MRPL14: variants seen among roughly 807,000 people sequenced by gnomAD.
MRPL14 encodes large ribosomal subunit protein uL14m.
A neutral mutation model predicts 10.9 loss-of-function variants in MRPL14; 8 were observed. The observed-to-expected ratio is 0.74, with a 90% confidence interval of 0.43 to 1.33. MRPL14 has a LOEUF of 1.33. Ranked by LOEUF, MRPL14 falls within the 40% of genes most tolerant of loss-of-function variation. The pLI is 0.01. For missense variants in MRPL14, 179 were observed against 194.5 expected (o/e 0.92, Z 0.47); for synonymous variants, 82 against 74.1 (o/e 1.11, Z -0.54).
chr6:44,116,985 T>C (rs1385911627), intron 1 of MRPL14, among the ~76,000 whole-genome samples: 1 of 152,218 alleles, frequency 6.6e-6, no homozygotes, highest in Non-Finnish European at 1.5e-5. Flanking sequence ...GAGTCCTCCA[T>C]AGAGGAAAAA....
chr6:44,114,057 A>T lies in MRPL14; in HGVS notation c.224T>A (p.Leu75Gln), dbSNP rs1216990794. Residue 75 changes from leucine to glutamine, a missense_variant, in exon 3 of 3, where the codon CTG becomes CAG. By Grantham distance (113) the Leu-to-Gln change is moderately radical. Coordinates refer to ENST00000372014, the MANE Select transcript of MRPL14 (RefSeq NM_032111.4). ...CTTTTTCTTCTGTCCCTTGATGGCC[A>T]GTAGTATCTGGTCGCCCACCTTGCC... ...GVGKVGDQIL[L>Q]AIKGQKKKAL... 2 of 1,614,144 alleles carry T rather than the reference A, an allele frequency of 1.2e-6. No homozygotes were observed. Among genetic ancestry groups the T allele is most frequent in the South Asian group, 2.2e-5 (2 of 91,084 alleles).
intron 1 of MRPL14, among the ~76,000 whole-genome samples, chr6:44,125,467 G>T (rs1562102714): frequency 6.6e-6 from 1 of 151,990 alleles, no homozygotes; most frequent in Non-Finnish European, 1.5e-5. Context: ...ACCAGCCTGG[G>T]CAACATGGTG....
At chr6:44,119,569 C>CA (rs1776207205) in intron 1 of MRPL14, among the ~76,000 whole-genome samples, 1 of 152,072 alleles carries the variant, frequency 6.6e-6, no homozygotes, top group Non-Finnish European at 1.5e-5. Flanking sequence ...ACATTTTACT[C>CA]ACAGCCAATT....
Position 44,114,179 on chromosome 6 carries a change from C to A in MRPL14, c.102G>T (p.Lys34Asn). The change falls in exon 3 of 3, where the codon AAG (lysine) becomes AAT (asparagine). Residue 34 changes from lysine to asparagine, a missense_variant. Lys to Asn is a moderately conservative substitution (Grantham distance 94). Coordinates refer to ENST00000372014, the MANE Select transcript of MRPL14 (RefSeq NM_032111.4). Reference protein sequence around the residue: ...STTGSLSAIQKMTRVRVVDNS... With the variant: ...STTGSLSAIQNMTRVRVVDNS... The stretch of plus-strand genomic sequence containing the variant: ...TGTCCACCACTCGTACCCGCGTCAT[C>A]TTCTGAATCGCACTCAGACTCCCAG... 2 of 1,612,274 alleles carry A rather than the reference C, an allele frequency of 1.2e-6. No individual in the cohort carries two copies. Among genetic ancestry groups the A allele is most frequent in the Non-Finnish European group, 1.7e-6 (2 of 1,178,540 alleles).
At chr6:44,117,558 T>C (rs1246893902) in intron 1 of MRPL14, among the ~76,000 whole-genome samples, 1 of 152,190 alleles carries the variant, frequency 6.6e-6, no homozygotes, top group Non-Finnish European at 1.5e-5. Context: ...TACACACAGC[T>C]TTGCTATGCA....
chr6:44,120,725 T>G (rs903153020), intron 1 of MRPL14, among the ~76,000 whole-genome samples: 11 of 152,070 alleles, frequency 7.2e-5, no homozygotes, highest in African/African-American at 2.4e-4. Flanking sequence ...CTGATAACAG[T>G]AGGAGTGCAA....
chr6:44,113,736 C>T lies in MRPL14; in HGVS notation c.*107G>A. On this transcript the variant is annotated 3_prime_UTR_variant, in exon 3 of 3. Coordinates refer to ENST00000372014, the MANE Select transcript of MRPL14 (RefSeq NM_032111.4). The stretch of plus-strand genomic sequence containing the variant: ...TCTCTCACAGGATACTACACTGTTA[C>T]CCAGTGTGAAGGGAGCAGCCATGTG... 1.7e-6 allele frequency: 2 copies of T among 1,143,686 alleles called. No homozygotes were observed. The highest frequency in any genetic ancestry group is 2.5e-6 in the Non-Finnish European group (2 of 806,452). The allele number at this position is 1,143,686 out of a possible 1,614,324, so 70.8% of individuals were successfully genotyped here. A position where few individuals can be genotyped will look rare whatever the true frequency, so the allele number is the denominator to read the frequency against.
chr6:44,123,008 G>C (rs1190093736), intron 1 of MRPL14, among the ~76,000 whole-genome samples: 1 of 152,180 alleles, frequency 6.6e-6, no homozygotes, highest in Non-Finnish European at 1.5e-5. Flanking sequence ...AGTTTGGTGT[G>C]TGCGTGGTTT....
intron 1 of MRPL14, among the ~76,000 whole-genome samples, chr6:44,119,586 T>C (rs1776208749): frequency 6.6e-6 from 1 of 152,094 alleles, no homozygotes; most frequent in South Asian, 2.1e-4. Context: ...AATTCAGTGC[T>C]TGCTGAATCA....
chr6:44,126,447 G>A (rs1285633958), intron 1 of MRPL14, among the ~76,000 whole-genome samples: 1 of 152,208 alleles, frequency 6.6e-6, no homozygotes, highest in African/African-American at 2.4e-5. Context: ...CAGAGACGCT[G>A]ACCAACTACA....
intron 1 of MRPL14, among the ~76,000 whole-genome samples, chr6:44,119,634 C>A (rs1776212970): frequency 6.6e-6 from 1 of 152,172 alleles, no homozygotes; most frequent in African/African-American, 2.4e-5. Flanking sequence ...AAATTATTCA[C>A]TTTAAGTTTT....
intron 1 of MRPL14, among the ~76,000 whole-genome samples, chr6:44,126,444 G>A (rs1777056856): frequency 6.6e-6 from 1 of 152,142 alleles, no homozygotes; most frequent in Non-Finnish European, 1.5e-5. Flanking sequence ...CAGCAGAGAC[G>A]CTGACCAACT....
At chr6:44,114,343 C>A in intron 2 of MRPL14, 134 bp from the exon 3 acceptor site, 1 of 1,063,082 alleles carries the variant, frequency 9.4e-7, no homozygotes, top group South Asian at 1.8e-5. Context: ...CCAGGAGCAG[C>A]AACAGAAAGT....
At chr6:44,120,328 T>C (rs929259436) in intron 1 of MRPL14, among the ~76,000 whole-genome samples, 1 of 152,234 alleles carries the variant, frequency 6.6e-6, no homozygotes, top group Admixed American at 6.5e-5. Context: ...TAACATTCTA[T>C]TTCTTCCCAC....
chr6:44,114,274 G>A (rs1775625776), intron 2 of MRPL14, 65 bp from the exon 3 acceptor site: 1 of 1,532,690 alleles, frequency 6.5e-7, no homozygotes, highest in Non-Finnish European at 8.8e-7. Flanking sequence ...ACAGGCCTCT[G>A]AGAGGTCAAG....
chr6:44,123,579 T>C (rs912706214), intron 1 of MRPL14, among the ~76,000 whole-genome samples: 2 of 152,182 alleles, frequency 1.3e-5, no homozygotes, highest in Non-Finnish European at 2.9e-5. Context: ...TATCCCTCAA[T>C]AGCATGATCA....
chr6:44,116,921 G>T (rs1309608808), intron 1 of MRPL14, among the ~76,000 whole-genome samples: 6 of 152,176 alleles, frequency 3.9e-5, no homozygotes. Flanking sequence ...CACTTCCACA[G>T]GCAGGAGGAA....
intron 1 of MRPL14, among the ~76,000 whole-genome samples, chr6:44,125,232 T>C (rs1003591869): frequency 3.8e-4 from 58 of 152,144 alleles, no homozygotes; most frequent in African/African-American, 1.4e-3. Context: ...CCCTGGAAAG[T>C]GTCACTTGAT....
Position 44,125,284 on chromosome 6 carries a change from G to C in MRPL14, c.-19+2060C>G, listed in dbSNP as rs142593759. Reference sequence around the variant, plus strand: ...GAGGATTAGGTGCTGACCCTAATTAGGCACAGGCAGAAATAGTTCAGGAAT... The same window carrying C: ...GAGGATTAGGTGCTGACCCTAATTACGCACAGGCAGAAATAGTTCAGGAAT... On this transcript the variant is annotated intron_variant, in intron 1 of 2. Coordinates refer to ENST00000372014, the MANE Select transcript of MRPL14 (RefSeq NM_032111.4). Among the ~76,000 whole-genome samples the C allele has an allele frequency of 9.9e-3, 1,514 of 152,184 alleles. 21 individuals are homozygous for C. Among genetic ancestry groups the C allele is most frequent in the African/African-American group, 0.034 (1,415 of 41,504 alleles).
Sources: gnomAD v4.1 joint callset for allele counts (sites outside exome capture counted in the v4.1 genomes callset) on GRCh38, gnomAD v4.1.1 for gene constraint, MANE v1.5 for transcripts, NCBI Gene and HGNC (gene_info 2026-07-23, HGNC 2026-07-21) for gene names.